The following MTUS1 variants were observed in gnomAD, a reference collection of about 807,000 sequenced individuals.
MTUS1 encodes microtubule-associated tumor suppressor 1.
Under a neutral mutation model 120.8 loss-of-function variants are expected in MTUS1, and 109 were observed. The ratio of observed to expected loss-of-function variants is 0.90; its 90% CI spans 0.77 to 1.06. The LOEUF is 1.06. Ranked by LOEUF, MTUS1 falls within the 50% of genes least tolerant of loss-of-function variation. The pLI is 0.00. For synonymous variants in MTUS1, 737 were observed against 550.5 expected (o/e 1.34, Z -4.74); for missense variants, 2,210 against 1,486.3 (o/e 1.49, Z -8.01).
At chr8:17,695,986 C>A (rs1563218740) in intron 6 of MTUS1, among the ~76,000 whole-genome samples, 1 of 152,094 alleles carries the variant, frequency 6.6e-6, no homozygotes, top group Non-Finnish European at 1.5e-5. Flanking sequence ...GCGTGGATTA[C>A]AGTATTTTTA....
In MTUS1 at chr8:17,757,966, G is replaced by A. The variant is rs111804672; in HGVS notation, c.-154-2005C>T. 3.9e-4 allele frequency among the ~76,000 whole-genome samples: 60 copies of A among 152,274 alleles called. 1 individual carries two copies. The highest frequency in any genetic ancestry group is 1.4e-3 in the African/African-American group (60 of 41,548). Reference sequence around the variant, plus strand: ...GGGCTGTGTGATTTATATTCTGATGGAAAGTGTAAATTTGTTAACTCTTTT... The same window carrying A: ...GGGCTGTGTGATTTATATTCTGATGAAAAGTGTAAATTTGTTAACTCTTTT... On this transcript the variant is annotated intron_variant, in intron 1 of 14. Transcript: ENST00000693296.
Position 17,647,314 on chromosome 8 carries a change from G to A in MTUS1, c.3502-235C>T, listed in dbSNP as rs1806025402. On this transcript the variant is annotated intron_variant, in intron 13 of 14. Coordinates refer to ENST00000693296, the MANE Select transcript of MTUS1 (RefSeq NM_001363059.2). ...AGGACACTTAAATATTGATACGAGT[G>A]GGTAACAGATTTGTTCCAGGTCATG... 3 of 420,720 alleles carry A rather than the reference G, an allele frequency of 7.1e-6. No individual in the cohort carries two copies. In the East Asian group the frequency reaches 1.3e-4, roughly 18 times the overall value. 26.1% of individuals were successfully genotyped at this position (420,720 alleles called of 1,614,324 possible). A position where few individuals can be genotyped will look rare whatever the true frequency, so the allele number is the denominator to read the frequency against.
chr8:17,652,014 A>G (rs1164964314), intron 12 of MTUS1, among the ~76,000 whole-genome samples: 2 of 152,212 alleles, frequency 1.3e-5, no homozygotes, highest in Admixed American at 6.5e-5. Context: ...GGGTCTCCCA[A>G]TGACATTATT....
At chr8:17,782,951 G>A (rs1377843810) in intron 1 of MTUS1, among the ~76,000 whole-genome samples, 2 of 152,114 alleles carry the variant, frequency 1.3e-5, no homozygotes, top group African/African-American at 2.4e-5. Context: ...GGTAGTGGGC[G>A]CCTGTAATCC....
chr8:17,720,997 T>C (rs2045796527), intron 4 of MTUS1, among the ~76,000 whole-genome samples: 1 of 152,180 alleles, frequency 6.6e-6, no homozygotes, highest in South Asian at 2.1e-4. Context: ...AAAAATTTAG[T>C]AACATTATTT....
intron 3 of MTUS1, among the ~76,000 whole-genome samples, chr8:17,740,122 C>T (rs1349373073): frequency 3.3e-5 from 5 of 151,852 alleles, no homozygotes; most frequent in South Asian, 2.1e-4. Flanking sequence ...GCAGCAGAAT[C>T]GCTTGAACCC....
rs1474052545 is a variant in MTUS1, at chr8:17,644,903, A to G, written c.*1023T>C. The G allele has an allele frequency of 2.0e-5, 3 of 152,174 alleles. No individual in the cohort carries two copies. The highest frequency in any genetic ancestry group is 7.2e-5 in the African/African-American group (3 of 41,442). 9.4% of individuals were successfully genotyped at this position (152,174 alleles called of 1,614,324 possible). ...CCAGAGAAAAGTAGGTAGGAGGTAGAAGGTTTGCTTTTGTGGCTCTGGATG... is the reference window on the plus strand; with the variant it reads ...CCAGAGAAAAGTAGGTAGGAGGTAGGAGGTTTGCTTTTGTGGCTCTGGATG... On this transcript the variant is annotated 3_prime_UTR_variant, in exon 15 of 15. Coordinates refer to ENST00000693296, the MANE Select transcript of MTUS1 (RefSeq NM_001363059.2).
At chr8:17,796,570 A>G (rs2052261955) in intron 1 of MTUS1, among the ~76,000 whole-genome samples, 1 of 152,164 alleles carries the variant, frequency 6.6e-6, no homozygotes, top group African/African-American at 2.4e-5. Context: ...GGGTATGAAA[A>G]GGAAGTTTTA....
At chr8:17,728,725 A>G (rs2046372289) in intron 3 of MTUS1, among the ~76,000 whole-genome samples, 1 of 150,840 alleles carries the variant, frequency 6.6e-6, no homozygotes, top group South Asian at 2.1e-4. Flanking sequence ...ATTGAATGCC[A>G]GACTCATAAT....
At chr8:17,700,208 C>T (rs1164173871) in intron 6 of MTUS1, among the ~76,000 whole-genome samples, 2 of 151,874 alleles carry the variant, frequency 1.3e-5, no homozygotes. Context: ...GATTACATGC[C>T]TGTAATCTCA....
chr8:17,690,717 G>C (rs1332861079), intron 6 of MTUS1, among the ~76,000 whole-genome samples: 1 of 152,058 alleles, frequency 6.6e-6, no homozygotes, highest in Non-Finnish European at 1.5e-5. Flanking sequence ...TAGGACTCAG[G>C]TCACCAGGGA....
Position 17,755,337 on chromosome 8 carries a change from T to C in MTUS1, c.471A>G (p.Leu157=), listed in dbSNP as rs3739408. ...NCAGYCDALE[L]NQTFDMTVDK... Reference sequence around the variant, plus strand: ...CCACTGTCATGTCAAATGTTTGGTTTAGCTCCAAGGCATCACAGTAGCCTG... The same window carrying C: ...CCACTGTCATGTCAAATGTTTGGTTCAGCTCCAAGGCATCACAGTAGCCTG... The change falls in exon 2 of 15, where the codon CTA becomes CTG. Residue 157 remains leucine, a synonymous_variant. Transcript: ENST00000693296. 0.14 allele frequency: 226,588 copies of C among 1,614,058 alleles called. 16,452 individuals are homozygous for C. The highest frequency in any genetic ancestry group is 0.19 in the Admixed American group (11,576 of 60,020).
chr8:17,645,863 G>T lies in MTUS1; in HGVS notation c.*63C>A. The T allele has an allele frequency of 2.6e-6, 4 of 1,547,854 alleles. No individual in the cohort carries two copies. The highest frequency in any genetic ancestry group is 3.5e-6 in the Non-Finnish European group (4 of 1,146,164). ...ACCTCTTGTGCCCACGTTCCTCCTT[G>T]GGGTCAGTCCTGCAGACCTGCATCA... On this transcript the variant is annotated 3_prime_UTR_variant, in exon 15 of 15. Transcript: ENST00000693296.
chr8:17,768,797 C>T (rs1502150), intron 1 of MTUS1, among the ~76,000 whole-genome samples: 30,335 of 152,018 alleles, frequency 0.2, 3,609 homozygotes, highest in South Asian at 0.49. Context: ...GACAGCATTC[C>T]AAAGTCCTCT....
At chr8:17,750,915 A>G (rs1323120269) in intron 2 of MTUS1, among the ~76,000 whole-genome samples, 1 of 152,222 alleles carries the variant, frequency 6.6e-6, no homozygotes, top group Admixed American at 6.5e-5. Context: ...AACTTTTCTA[A>G]AGATTCAGAT....
chr8:17,655,898 C>T lies in MTUS1; in HGVS notation c.3073G>A (p.Glu1025Lys). ...YEKLRDTYIE[E>K]AEKYKMQLQE... ...AATTGCATTTTGTACTTCTCTGCTT[C>T]TTCAATGTAAGTGTCCCGAAGCTTT... The change falls in exon 9 of 15, where the codon GAA becomes AAA. Residue 1025 changes from glutamate to lysine, a missense_variant. Physicochemically the swap from Glu to Lys is moderately conservative, Grantham distance 56. Coordinates refer to ENST00000693296, the MANE Select transcript of MTUS1 (RefSeq NM_001363059.2). 1 of 1,614,224 alleles carries T rather than the reference C, an allele frequency of 6.2e-7. No individual in the cohort carries two copies. Among genetic ancestry groups the T allele is most frequent in the East Asian group, 2.2e-5 (1 of 44,892 alleles).
At chr8:17,651,729 C>G (rs1301954368) in intron 12 of MTUS1, 1 of 152,200 alleles carries the variant, frequency 6.6e-6, no homozygotes, top group African/African-American at 2.4e-5. Context: ...CCTCAGCATG[C>G]TTACGTGACA....
At chr8:17,657,799 CA>C (rs1216051789) in intron 8 of MTUS1, among the ~76,000 whole-genome samples, 10,654 of 91,016 alleles carry the variant, frequency 0.12, 375 homozygotes, top group East Asian at 0.31. Context: ...GACCCTATCT[CA>C]AAAAAAAAAA....
intron 2 of MTUS1, among the ~76,000 whole-genome samples, chr8:17,750,882 T>C (rs1163155418): frequency 6.6e-6 from 1 of 152,172 alleles, no homozygotes; most frequent in Non-Finnish European, 1.5e-5. Context: ...CAAATAAAAA[T>C]CAAGTTCCTT....
Sources: allele counts gnomAD v4.1 joint callset (sites outside exome capture counted in the v4.1 genomes callset), GRCh38; gene constraint gnomAD v4.1.1; transcripts MANE v1.5; gene names NCBI Gene and HGNC (gene_info 2026-07-23, HGNC 2026-07-21).